Variants in RGS7 observed in about 807,000 individuals in gnomAD.
The protein encoded by RGS7 is regulator of G protein signaling 7, also known as regulator of G-protein signaling 7.
Under a neutral mutation model 81.1 loss-of-function variants are expected in RGS7, and 27 were observed. That is an observed-to-expected ratio of 0.33 (90% CI 0.25 to 0.46). The LOEUF is 0.46. Among genes scored for constraint, RGS7 ranks in the 20% least tolerant of loss-of-function variants. The probability of loss-of-function intolerance (pLI) is 1.00; values close to 1 mark genes in which losing one functional copy is unlikely to be tolerated. For missense variants in RGS7, 396 were observed against 607.4 expected (o/e 0.65, Z 3.66); for synonymous variants, 208 against 207.7 (o/e 1.00, Z -0.01).
Position 240,976,054 on chromosome 1 carries a change from C to T in RGS7, c.226+7025G>A, listed in dbSNP as rs549865739. On this transcript the variant is annotated intron_variant, in intron 4 of 18. Transcript: ENST00000440928. Reference sequence around the variant, plus strand: ...AGAATACCATTGTAAGAAGCCAGTGCTAGAGGCTGAAGGGCAAGAGAATGA... The same window carrying T: ...AGAATACCATTGTAAGAAGCCAGTGTTAGAGGCTGAAGGGCAAGAGAATGA... 1.8e-4 allele frequency among the ~76,000 whole-genome samples: 28 copies of T among 152,356 alleles called. 1 individual carries two copies. The South Asian group carries it at 5.8e-3, about 32-fold the overall frequency.
At chr1:241,276,940 GGATT>G (rs2078224174) in intron 2 of RGS7, among the ~76,000 whole-genome samples, 1 of 152,174 alleles carries the variant, frequency 6.6e-6, no homozygotes, top group Non-Finnish European at 1.5e-5. Context: ...AGAAAAAAAT[GGATT>G]GATTGATTCA....
intron 9 of RGS7, among the ~76,000 whole-genome samples, chr1:240,842,689 A>G (rs1377029839): frequency 6.6e-6 from 1 of 152,152 alleles, no homozygotes; most frequent in Non-Finnish European, 1.5e-5. Flanking sequence ...AGTTCACTTC[A>G]AAGTTCTTCT....
chr1:241,277,110 T>C (rs576280293), intron 2 of RGS7, among the ~76,000 whole-genome samples: 3 of 152,346 alleles, frequency 2.0e-5, no homozygotes, highest in African/African-American at 7.2e-5. Context: ...CGTTGCTACA[T>C]TTTTAAAATA....
chr1:241,035,759 G>A (rs962995368), intron 3 of RGS7, among the ~76,000 whole-genome samples: 20 of 152,048 alleles, frequency 1.3e-4, no homozygotes, highest in Admixed American at 5.9e-4. Context: ...CATCATTACA[G>A]CTAACAGTTA....
At chr1:241,201,397 A>G in intron 2 of RGS7, among the ~76,000 whole-genome samples, 1 of 152,186 alleles carries the variant, frequency 6.6e-6, no homozygotes, top group Non-Finnish European at 1.5e-5. Context: ...CTGTCAACCT[A>G]AAAGGACGGT....
At chr1:240,962,080 T>C (rs1469873157) in intron 4 of RGS7, among the ~76,000 whole-genome samples, 1 of 152,136 alleles carries the variant, frequency 6.6e-6, no homozygotes, top group Non-Finnish European at 1.5e-5. Context: ...ACACGTATGT[T>C]CCTTACTTTC....
intron 2 of RGS7, among the ~76,000 whole-genome samples, chr1:241,331,430 T>G (rs1244221240): frequency 6.6e-6 from 1 of 152,212 alleles, no homozygotes; most frequent in Non-Finnish European, 1.5e-5. Context: ...TGTGAGTAGT[T>G]TAAGGATTAA....
At chr1:241,198,148 T>C (rs906335329) in intron 2 of RGS7, among the ~76,000 whole-genome samples, 8 of 151,992 alleles carry the variant, frequency 5.3e-5, no homozygotes, top group Admixed American at 6.5e-5. Context: ...AATTTAAAAA[T>C]AGTTTGAAAT....
At chr1:241,065,668 G>T (rs932614246) in intron 3 of RGS7, among the ~76,000 whole-genome samples, 7 of 152,030 alleles carry the variant, frequency 4.6e-5, no homozygotes, top group African/African-American at 1.7e-4. Context: ...ATTACTTATG[G>T]TTATTCTTAA....
At chr1:241,098,242 G>T (rs536156875) in intron 3 of RGS7, among the ~76,000 whole-genome samples, 1 of 152,132 alleles carries the variant, frequency 6.6e-6, no homozygotes, top group Non-Finnish European at 1.5e-5. Context: ...TGGTGACAGC[G>T]GTCTTGAGCG....
chr1:241,235,015 C>A (rs1011174097), intron 2 of RGS7, among the ~76,000 whole-genome samples: 6 of 152,102 alleles, frequency 3.9e-5, no homozygotes, highest in Non-Finnish European at 7.3e-5. Context: ...AATTTCTATT[C>A]TAATTTATTC....
chr1:241,066,222 T>G (rs1222158596), intron 3 of RGS7, among the ~76,000 whole-genome samples: 1 of 152,204 alleles, frequency 6.6e-6, no homozygotes, highest in African/African-American at 2.4e-5. Context: ...TTTCCCTCCT[T>G]GAGTCTGTCT....
chr1:241,187,379 A>G (rs538434597), intron 2 of RGS7, among the ~76,000 whole-genome samples: 1 of 152,338 alleles, frequency 6.6e-6, no homozygotes, highest in South Asian at 2.1e-4. Flanking sequence ...TCAATGCTAC[A>G]TTGCTAGTTA....
intron 2 of RGS7, among the ~76,000 whole-genome samples, chr1:241,285,964 G>A (rs971998809): frequency 6.6e-6 from 1 of 152,150 alleles, no homozygotes; most frequent in African/African-American, 2.4e-5. Flanking sequence ...TCCATCATGA[G>A]TGCGCATAAT....
At chr1:241,311,118 T>G (rs1282263513) in intron 2 of RGS7, among the ~76,000 whole-genome samples, 4 of 152,204 alleles carry the variant, frequency 2.6e-5, no homozygotes, top group Non-Finnish European at 5.9e-5. Flanking sequence ...ACTGAAACTA[T>G]AGGTTGAAAA....
At chr1:241,024,005 G>C (rs541819740) in intron 3 of RGS7, among the ~76,000 whole-genome samples, 1 of 152,210 alleles carries the variant, frequency 6.6e-6, no homozygotes, top group South Asian at 2.1e-4. Context: ...GCCTGCCTTG[G>C]CCTCCCAAAA....
chr1:241,029,811 G>A (rs1045033175), intron 3 of RGS7, among the ~76,000 whole-genome samples: 1 of 152,186 alleles, frequency 6.6e-6, no homozygotes, highest in African/African-American at 2.4e-5. Context: ...CATTAGATCT[G>A]ATGTAAACAA....
At chr1:241,287,605 T>A (rs904552659) in intron 2 of RGS7, among the ~76,000 whole-genome samples, 1 of 152,186 alleles carries the variant, frequency 6.6e-6, no homozygotes, top group Non-Finnish European at 1.5e-5. Context: ...TAACACGCCC[T>A]GGATCTACTT....
At chr1:240,836,553 G>T (rs906201987) in intron 9 of RGS7, among the ~76,000 whole-genome samples, 2 of 152,198 alleles carry the variant, frequency 1.3e-5, no homozygotes, top group Admixed American at 1.3e-4. Context: ...CATGCCATCT[G>T]CTGAGATGGG....
Sources: allele counts gnomAD v4.1 joint callset (sites outside exome capture counted in the v4.1 genomes callset), GRCh38; gene constraint gnomAD v4.1.1; transcripts MANE v1.5; gene names NCBI Gene and HGNC (gene_info 2026-07-23, HGNC 2026-07-21).